CYP39A1: variants seen among roughly 807,000 people sequenced by gnomAD.
CYP39A1 encodes cytochrome P450 family 39 subfamily A member 1.
In CYP39A1, 49 loss-of-function variants were observed where a neutral mutation model predicts 58.1. That is an observed-to-expected ratio of 0.84 (90% CI 0.67 to 1.07). CYP39A1 has a LOEUF of 1.07. CYP39A1 is among the 50% of genes least tolerant of loss of function. The pLI is 0.00. For synonymous variants in CYP39A1, 209 were observed against 187.6 expected (o/e 1.11, Z -0.93); for missense variants, 531 against 539.4 (o/e 0.98, Z 0.16).
At chr6:46,634,491 T>C (rs1775844806) in intron 5 of CYP39A1, among the ~76,000 whole-genome samples, 1 of 151,618 alleles carries the variant, frequency 6.6e-6, no homozygotes, top group South Asian at 2.1e-4. Flanking sequence ...AGAGGTATTG[T>C]TGGTAGGGAA....
At chr6:46,614,502 A>T (rs1236615409) in intron 7 of CYP39A1, among the ~76,000 whole-genome samples, 1 of 152,152 alleles carries the variant, frequency 6.6e-6, no homozygotes, top group East Asian at 1.9e-4. Flanking sequence ...AGTCCACTGT[A>T]CATTGATCAC....
At chr6:46,580,189 G>A (rs1048598526) in intron 10 of CYP39A1, among the ~76,000 whole-genome samples, 5 of 151,992 alleles carry the variant, frequency 3.3e-5, no homozygotes, top group Non-Finnish European at 5.9e-5. Context: ...GAGAATCCAG[G>A]AATAAAGCTG....
chr6:46,609,017 A>G (rs1774031498), intron 7 of CYP39A1, among the ~76,000 whole-genome samples: 1 of 152,210 alleles, frequency 6.6e-6, no homozygotes, highest in South Asian at 2.1e-4. Flanking sequence ...TTGTCTCTAA[A>G]TGGAGAAAAC....
intron 7 of CYP39A1, among the ~76,000 whole-genome samples, chr6:46,607,382 T>G (rs555261866): frequency 3.4e-5 from 5 of 149,132 alleles, no homozygotes; most frequent in African/African-American, 9.8e-5. Context: ...AAAAAGAACA[T>G]GAGTCAAATA....
At chr6:46,595,383 A>G (rs1183984414) in intron 8 of CYP39A1, among the ~76,000 whole-genome samples, 3 of 152,124 alleles carry the variant, frequency 2.0e-5, no homozygotes, top group African/African-American at 7.2e-5. Context: ...GTATATATAC[A>G]TAATGGAATA....
intron 7 of CYP39A1, among the ~76,000 whole-genome samples, chr6:46,596,567 T>G (rs534070733): frequency 6.6e-6 from 1 of 152,116 alleles, no homozygotes; most frequent in South Asian, 2.1e-4. Flanking sequence ...TGAATTGCTT[T>G]TTTTTTTCCC....
At chr6:46,612,796 G>A (rs180872245) in intron 7 of CYP39A1, among the ~76,000 whole-genome samples, 11 of 152,246 alleles carry the variant, frequency 7.2e-5, no homozygotes, top group Admixed American at 3.9e-4. Context: ...GCAATGCATC[G>A]CACAAGGGGC....
At chr6:46,620,800 T>A (rs982470331) in intron 7 of CYP39A1, among the ~76,000 whole-genome samples, 4 of 152,140 alleles carry the variant, frequency 2.6e-5, no homozygotes, top group African/African-American at 9.7e-5. Context: ...TAAAGAAATA[T>A]CTGTCTAGTT....
Position 46,563,998 on chromosome 6 carries a change from A to G in CYP39A1, c.1251-10144T>C, listed in dbSNP as rs924975245. ...AACTCATCTGTATGTAGTGAGTAAG[A>G]TGGATTGAAATAAGAGATAATACAG... On this transcript the variant is annotated intron_variant, in intron 10 of 11. Coordinates refer to ENST00000275016, the MANE Select transcript of CYP39A1 (RefSeq NM_016593.5). 3.3e-5 allele frequency among the ~76,000 whole-genome samples: 5 copies of G among 152,234 alleles called. No individual in the cohort carries two copies. The South Asian group carries it at 1.0e-3, about 32-fold the overall frequency.
rs61746081 is a variant in CYP39A1, at chr6:46,637,866, A to C, written c.601T>G (p.Phe201Val). 3.3e-5 allele frequency: 53 copies of C among 1,612,252 alleles called. No homozygotes were observed. Among genetic ancestry groups the C allele is most frequent in the Non-Finnish European group, 4.2e-5 (50 of 1,179,640 alleles). ...TCTGGCAACTGGGACCCATACTCAA[A>C]ATCTTCATCATAAACTTGAAAATAC... ...HQYFQVYDED[F>V]EYGSQLPECL... The change falls in exon 4 of 12, where the codon TTT becomes GTT. Residue 201 changes from phenylalanine to valine, a missense_variant. Coordinates refer to ENST00000275016, the MANE Select transcript of CYP39A1 (RefSeq NM_016593.5).
chr6:46,600,741 C>A lies in CYP39A1; in HGVS notation c.932-4621G>T, dbSNP rs191121955. ...GAAAGAAGCTCCTATGCTTGGGACT[C>A]TTCCAAACCTTGCCCTATGTGCTTC... On this transcript the variant is annotated intron_variant, in intron 7 of 11. Transcript: ENST00000275016. 8.4e-4 allele frequency among the ~76,000 whole-genome samples: 128 copies of A among 152,316 alleles called. 1 individual carries two copies. The highest frequency in any genetic ancestry group is 3.0e-3 in the African/African-American group (123 of 41,578).
intron 7 of CYP39A1, among the ~76,000 whole-genome samples, chr6:46,616,197 TCCC>T (rs1561994237): frequency 0.062 from 79 of 1,278 alleles, 5 homozygotes; most frequent in African/African-American, 0.11. Context: ...CTTCTTTCCC[TCCC>T]TCCCTCCCTC....
chr6:46,596,053 C>CA lies in CYP39A1; in HGVS notation c.998dup (p.Leu333PhefsTer14). On this transcript the variant is annotated frameshift_variant, in exon 8 of 12. Coordinates refer to ENST00000275016, the MANE Select transcript of CYP39A1 (RefSeq NM_016593.5). LOFTEE classifies it high-confidence loss of function. ...CAGGAGCTTTTAAACGAATGGTTTC[C>CA]AAAACACACCATTTAATTAGAAGGA... The CA allele has an allele frequency of 6.2e-7, 1 of 1,611,068 alleles. No homozygotes were observed. The highest frequency in any genetic ancestry group is 8.5e-7 in the Non-Finnish European group (1 of 1,178,144).
intron 10 of CYP39A1, among the ~76,000 whole-genome samples, chr6:46,579,912 T>A (rs1408439159): frequency 2.0e-5 from 3 of 152,178 alleles, no homozygotes; most frequent in Non-Finnish European, 2.9e-5. Context: ...ATCAATATTG[T>A]TAAAACGGTC....
At chr6:46,623,608 A>G (rs1462796536) in intron 7 of CYP39A1, among the ~76,000 whole-genome samples, 1 of 152,102 alleles carries the variant, frequency 6.6e-6, no homozygotes, top group Non-Finnish European at 1.5e-5. Context: ...ATTTTTTATA[A>G]TAAATGTCTT....
intron 10 of CYP39A1, among the ~76,000 whole-genome samples, chr6:46,575,367 G>A (rs1416584013): frequency 6.6e-6 from 1 of 152,164 alleles, no homozygotes; most frequent in Non-Finnish European, 1.5e-5. Flanking sequence ...TCTTGTCCAT[G>A]CAGTCTGATT....
At chr6:46,595,896 T>C (rs1773117529) in intron 8 of CYP39A1, 91 bp downstream of exon 8, 1 of 1,206,560 alleles carries the variant, frequency 8.3e-7, no homozygotes, top group Non-Finnish European at 1.2e-6. Flanking sequence ...TAAAAATAAA[T>C]CAAGATATGT....
At chr6:46,560,778 T>TAA (rs34209752) in intron 10 of CYP39A1, among the ~76,000 whole-genome samples, 6 of 151,582 alleles carry the variant, frequency 4.0e-5, no homozygotes, top group African/African-American at 1.5e-4. Flanking sequence ...TAAACTTGAT[T>TAA]AAAAAAAATC....
Position 46,567,351 on chromosome 6 carries a change from T to C in CYP39A1, c.1251-13497A>G, listed in dbSNP as rs183681545. Among the ~76,000 whole-genome samples the C allele has an allele frequency of 2.6e-5, 4 of 152,238 alleles. 1 individual carries two copies. The highest frequency in any genetic ancestry group is 3.9e-4 in the East Asian group (2 of 5,186). On this transcript the variant is annotated intron_variant, in intron 10 of 11. Transcript: ENST00000275016. ...GAAAAATATTCCATATATATATATA[T>C]AACTTTTTTATCCATTTATCAATCA...
Sources: gnomAD v4.1 joint callset for allele counts (sites outside exome capture counted in the v4.1 genomes callset) on GRCh38, gnomAD v4.1.1 for gene constraint, MANE v1.5 for transcripts, NCBI Gene and HGNC (gene_info 2026-07-23, HGNC 2026-07-21) for gene names.